Variants in ERMAP observed in about 807,000 individuals in gnomAD.
ERMAP encodes erythroblast membrane associated protein (Scianna blood group).
In ERMAP, 34 loss-of-function variants were observed where a neutral mutation model predicts 49.5. The observed-to-expected ratio is 0.69, with a 90% CI of 0.52 to 0.91. The LOEUF is 0.91. ERMAP is among the 40% of genes least tolerant of loss of function. The pLI is 0.00. For synonymous variants in ERMAP, 214 were observed against 232.2 expected, an observed-to-expected ratio of 0.92 and a Z score of 0.71; for missense variants, 541 against 582.6, an observed-to-expected ratio of 0.93 and a Z score of 0.74.
chr1:42,831,210 C>A, intron 4 of ERMAP, 95 bp downstream of exon 4: 1 of 1,417,242 alleles, frequency 7.1e-7, no homozygotes. Flanking sequence ...ACTTTTCTTT[C>A]ATCTGCAGTG....
intron 8 of ERMAP, chr1:42,839,500 CT>C (rs1260416026): frequency 5.9e-6 from 1 of 168,362 alleles, no homozygotes; most frequent in Non-Finnish European, 1.3e-5. Flanking sequence ...ATCCCAGTTA[CT>C]TGGGAGGCTG....
chr1:42,840,852 G>A (rs900397568), intron 11 of ERMAP, among the ~76,000 whole-genome samples: 2 of 151,658 alleles, frequency 1.3e-5, no homozygotes, highest in African/African-American at 2.4e-5. Context: ...CACTGCTTCC[G>A]CCTCTTTCTA....
Position 42,817,195 on chromosome 1 carries a change from C to G in ERMAP, c.-180C>G. On this transcript the variant is annotated 5_prime_UTR_variant, in exon 1 of 12. Coordinates refer to ENST00000372517, the MANE Select transcript of ERMAP (RefSeq NM_001017922.2). ...AGAGGCTTGGGAGTCTGTACCTTTC[C>G]CGACCGGGCCACTGGAAGTTGGAGC... 1 of 1,250,932 alleles carries G rather than the reference C, an allele frequency of 8.0e-7. No homozygotes were observed. Among genetic ancestry groups the G allele is most frequent in the South Asian group, 1.3e-5 (1 of 76,840 alleles). 77.5% of individuals were successfully genotyped at this position (1,250,932 alleles called of 1,614,324 possible). A position where few individuals can be genotyped will look rare whatever the true frequency, so the allele number is the denominator to read the frequency against.
At chr1:42,828,498 A>ATT (rs397980007) in intron 2 of ERMAP, among the ~76,000 whole-genome samples, 5 of 142,104 alleles carry the variant, frequency 3.5e-5, no homozygotes, top group African/African-American at 1.3e-4. Flanking sequence ...TTTTAAAAAA[A>ATT]TTTTTTTTTT....
At chr1:42,826,025 T>G (rs1264658402) in intron 2 of ERMAP, among the ~76,000 whole-genome samples, 1 of 152,240 alleles carries the variant, frequency 6.6e-6, no homozygotes, top group African/African-American at 2.4e-5. Flanking sequence ...GCTGTGTGCT[T>G]TTAGACTGAT....
intron 1 of ERMAP, among the ~76,000 whole-genome samples, chr1:42,823,312 G>C (rs779910192): frequency 6.6e-6 from 1 of 152,138 alleles, no homozygotes; most frequent in Non-Finnish European, 1.5e-5. Flanking sequence ...GGAAATTGCT[G>C]AGTCACTGAG....
intron 1 of ERMAP, 53 bp downstream of exon 1, chr1:42,817,306 C>G: frequency 8.4e-7 from 1 of 1,189,024 alleles, no homozygotes; most frequent in Non-Finnish European, 1.1e-6. Flanking sequence ...GCCCACCGCC[C>G]CTCGTCCTGG....
At chr1:42,836,504 G>A (rs34612413) in intron 6 of ERMAP, among the ~76,000 whole-genome samples, 1,922 of 152,252 alleles carry the variant, frequency 0.013, 46 homozygotes, top group African/African-American at 0.045. Context: ...CAGGATTTTA[G>A]TCATTCTCGT....
At chr1:42,818,641 A>T (rs1005014064) in intron 1 of ERMAP, among the ~76,000 whole-genome samples, 4 of 151,998 alleles carry the variant, frequency 2.6e-5, no homozygotes, top group African/African-American at 4.8e-5. Context: ...CTAATTTTTT[A>T]AAATTTTTTT....
chr1:42,826,926 G>C (rs757744100), intron 2 of ERMAP, among the ~76,000 whole-genome samples: 54 of 151,680 alleles, frequency 3.6e-4, no homozygotes, highest in African/African-American at 4.8e-4. Context: ...TAAGCCATCT[G>C]ATTCTAGCCC....
At chr1:42,837,098 A>T in intron 6 of ERMAP, 60 bp from the exon 7 acceptor site, 2 of 1,582,304 alleles carry the variant, frequency 1.3e-6, no homozygotes, top group Middle Eastern at 1.7e-4. Context: ...AATCAATAGG[A>T]ATCAGGGATC....
chr1:42,830,958 G>A lies in ERMAP; in HGVS notation c.276G>A (p.Pro92=), dbSNP rs772341251. The change falls in exon 4 of 12, where the codon CCG becomes CCA. Residue 92 remains proline (P), a synonymous_variant. Coordinates refer to ENST00000372517, the MANE Select transcript of ERMAP (RefSeq NM_001017922.2). Reference sequence around the variant, plus strand: ...AGGACCAGGATGAAGATCTGATGCCGGAATATAAGGGGAGGACGGTGCTAG... The same window carrying A: ...AGGACCAGGATGAAGATCTGATGCCAGAATATAAGGGGAGGACGGTGCTAG... ...DGKDQDEDLM[P]EYKGRTVLVR... is the part of the protein sequence containing the mutation. 1.6e-5 allele frequency: 26 copies of A among 1,614,064 alleles called. No individual in the cohort carries two copies. Among genetic ancestry groups the A allele is most frequent in the Middle Eastern group, 1.6e-4 (1 of 6,084 alleles).
At chr1:42,838,969 T>A in intron 8 of ERMAP, 48 bp downstream of exon 8, 7 of 1,614,136 alleles carry the variant, frequency 4.3e-6, no homozygotes, top group Non-Finnish European at 5.1e-6. Flanking sequence ...TGCTGACACT[T>A]TTGCTTTGGG....
At chr1:42,836,539 G>A (rs1341905750) in intron 6 of ERMAP, among the ~76,000 whole-genome samples, 6 of 152,106 alleles carry the variant, frequency 3.9e-5, no homozygotes, top group Non-Finnish European at 8.8e-5. Context: ...AGCAAGGAAT[G>A]GGGATATCAG....
chr1:42,822,137 A>G (rs376764226), intron 1 of ERMAP, among the ~76,000 whole-genome samples: 3 of 151,944 alleles, frequency 2.0e-5, no homozygotes, highest in Admixed American at 6.5e-5. Flanking sequence ...AAACAAAAAT[A>G]TTACTGAGTA....
chr1:42,843,441 G>A lies in ERMAP; in HGVS notation c.*209G>A, dbSNP rs1054944592. 1.3e-5 allele frequency: 6 copies of A among 475,458 alleles called. No homozygotes were observed. In the Admixed American group the frequency reaches 1.9e-4, roughly 15 times the overall value. The allele number at this position is 475,458 out of a possible 1,614,324, so 29.5% of individuals were successfully genotyped here. A position where few individuals can be genotyped will look rare whatever the true frequency, so the allele number is the denominator to read the frequency against. On this transcript the variant is annotated 3_prime_UTR_variant, in exon 12 of 12. Transcript: ENST00000372517. Reference sequence around the variant, plus strand: ...GAATTGAAGCTCCCAGTGACCTGGAGGGAGGATTCCTGGAAACCAAACAAT... The same window carrying A: ...GAATTGAAGCTCCCAGTGACCTGGAAGGAGGATTCCTGGAAACCAAACAAT...
At chr1:42,834,891 C>T in intron 4 of ERMAP, 147 bp from the exon 5 acceptor site, 1 of 656,250 alleles carries the variant, frequency 1.5e-6, no homozygotes, top group Non-Finnish European at 2.8e-6. Context: ...CTTGAGTTAT[C>T]AGAGAAGCAA....
chr1:42,825,611 C>T lies in ERMAP; in HGVS notation c.-121-12C>T, dbSNP rs1654519772. 1 of 1,283,404 alleles carries T rather than the reference C, an allele frequency of 7.8e-7. No individual in the cohort carries two copies. Among genetic ancestry groups the T allele is most frequent in the South Asian group, 1.2e-5 (1 of 80,230 alleles). 79.5% of individuals were successfully genotyped at this position (1,283,404 alleles called of 1,614,324 possible). On this transcript the variant is annotated splice_polypyrimidine_tract_variant and intron_variant, in intron 1 of 11. Coordinates refer to ENST00000372517, the MANE Select transcript of ERMAP (RefSeq NM_001017922.2). ...TCATAAAATATGAACTTTTCCCGGC[C>T]CACATCCCTAGGCCTTCCTGATGCG... is the stretch of plus-strand genomic sequence containing the variant.
rs1655141142 is a variant in ERMAP at position 42,843,912 on chromosome 1, T to C, written c.*680T>C. On this transcript the variant is annotated 3_prime_UTR_variant, in exon 12 of 12. Coordinates refer to ENST00000372517, the MANE Select transcript of ERMAP (RefSeq NM_001017922.2). ...ACAGCGACTTTAAATACAGTTGCTATAATCCTGAAAAGCCCCAGGAGCACA... is the reference window on the plus strand; with the variant it reads ...ACAGCGACTTTAAATACAGTTGCTACAATCCTGAAAAGCCCCAGGAGCACA... 2.5e-6 allele frequency: 1 copy of C among 396,910 alleles called. No individual in the cohort carries two copies. The highest frequency in any genetic ancestry group is 2.1e-5 in the African/African-American group (1 of 48,738). The allele number at this position is 396,910 out of a possible 1,614,324, so 24.6% of individuals were successfully genotyped here.
Sources: gnomAD v4.1 joint callset for allele counts (sites outside exome capture counted in the v4.1 genomes callset) on GRCh38, gnomAD v4.1.1 for gene constraint, MANE v1.5 for transcripts, NCBI Gene and HGNC (gene_info 2026-07-23, HGNC 2026-07-21) for gene names.